Variants in PDZRN4 observed in about 807,000 individuals in gnomAD.
The protein encoded by PDZRN4 is PDZ domain-containing RING finger protein 4.
Under a neutral mutation model 99.0 loss-of-function variants are expected in PDZRN4, and 70 were observed. The ratio of observed to expected loss-of-function variants is 0.71; its 90% confidence interval spans 0.58 to 0.86. PDZRN4 has a LOEUF of 0.86. Among genes scored for constraint, PDZRN4 ranks in the 40% least tolerant of loss-of-function variants. The pLI is 0.00. For synonymous variants in PDZRN4, 551 were observed against 501.6 expected (o/e 1.10, Z -1.32); for missense variants, 1,474 against 1,331.2 (o/e 1.11, Z -1.67).
chr12:41,205,971 T>C (rs1950847475), intron 3 of PDZRN4, among the ~76,000 whole-genome samples: 1 of 151,974 alleles, frequency 6.6e-6, no homozygotes. Context: ...GTTCAACTTC[T>C]TTTATTTAAC....
intron 3 of PDZRN4, among the ~76,000 whole-genome samples, chr12:41,465,982 A>C (rs1952921141): frequency 6.6e-6 from 1 of 152,208 alleles, no homozygotes; most frequent in African/African-American, 2.4e-5. Flanking sequence ...GTCTGATAAA[A>C]TCCTTAATTA....
chr12:41,487,728 C>A (rs1314138267), intron 3 of PDZRN4, among the ~76,000 whole-genome samples: 1 of 152,154 alleles, frequency 6.6e-6, no homozygotes, highest in East Asian at 1.9e-4. Context: ...GTAGTGGAAG[C>A]AACTGGTATA....
intron 3 of PDZRN4, among the ~76,000 whole-genome samples, chr12:41,256,016 G>A (rs1319553440): frequency 6.6e-6 from 1 of 152,028 alleles, no homozygotes; most frequent in Non-Finnish European, 1.5e-5. Flanking sequence ...ATTTGGAGGG[G>A]ACACACATTA....
At chr12:41,254,365 A>G (rs1455225094) in intron 3 of PDZRN4, among the ~76,000 whole-genome samples, 1 of 152,168 alleles carries the variant, frequency 6.6e-6, no homozygotes, top group African/African-American at 2.4e-5. Context: ...GAAGTAAGAT[A>G]CTCAAAGTCA....
Position 41,573,047 on chromosome 12 carries a change from T to G in PDZRN4, c.2268T>G (p.Pro756=), listed in dbSNP as rs990486852. The change falls in exon 10 of 10, where the codon CCT becomes CCG. Residue 756 remains proline (P), a synonymous_variant. Transcript: ENST00000402685. ...RSTPLTVDRS[P]DSSLPRVINL... ...CTCCGCTCACTGTAGACCGTTCCCC[T>G]GACAGTTCCCTTCCAAGGGTGATCA... is the stretch of plus-strand genomic sequence containing the variant. 1 of 1,614,126 alleles carries G rather than the reference T, an allele frequency of 6.2e-7. No homozygotes were observed. The highest frequency in any genetic ancestry group is 1.3e-5 in the African/African-American group (1 of 75,042).
intron 3 of PDZRN4, among the ~76,000 whole-genome samples, chr12:41,395,969 T>A (rs971037539): frequency 6.6e-6 from 1 of 152,166 alleles, no homozygotes; most frequent in East Asian, 1.9e-4. Context: ...TTTTTCATCA[T>A]GTACCCCACA....
At chr12:41,397,844 T>C (rs1412408708) in intron 3 of PDZRN4, among the ~76,000 whole-genome samples, 1 of 152,118 alleles carries the variant, frequency 6.6e-6, no homozygotes, top group Non-Finnish European at 1.5e-5. Context: ...CTCTATTACA[T>C]GACTATATGT....
intron 3 of PDZRN4, among the ~76,000 whole-genome samples, chr12:41,383,998 TTTTTTTTTTTTTTTTTTTTTTTG>T (rs1952146362): frequency 4.6e-5 from 1 of 21,542 alleles, no homozygotes; most frequent in Non-Finnish European, 9.1e-5. Context: ...TTTTTTTTTT[TTTTTTTTTTTTTTTTTTTTTTTG>T]AGACGGAATC....
chr12:41,243,702 GT>G (rs1404631373), intron 3 of PDZRN4, among the ~76,000 whole-genome samples: 3 of 152,058 alleles, frequency 2.0e-5, no homozygotes, highest in Non-Finnish European at 4.4e-5. Flanking sequence ...TTCTTACTAT[GT>G]GTTACAGATT....
chr12:41,544,018 T>A (rs1592105152), intron 5 of PDZRN4, among the ~76,000 whole-genome samples: 1 of 152,230 alleles, frequency 6.6e-6, no homozygotes, highest in East Asian at 1.9e-4. Flanking sequence ...AAATGCTAGA[T>A]GGACCAGAAA....
At chr12:41,433,595 G>C (rs2730811) in intron 3 of PDZRN4, among the ~76,000 whole-genome samples, 77,405 of 152,018 alleles carry the variant, frequency 0.51, 20,196 homozygotes, top group African/African-American at 0.64. Context: ...ATAGTGGCAA[G>C]GGTAAAGAGA....
chr12:41,244,052 C>A (rs1951117745), intron 3 of PDZRN4, among the ~76,000 whole-genome samples: 1 of 151,760 alleles, frequency 6.6e-6, no homozygotes. Flanking sequence ...ACCTTTATCC[C>A]AAACTCCATC....
rs199780205 is a variant in PDZRN4, at chr12:41,573,018, A to G, written c.2239A>G (p.Ser747Gly). Residue 747 changes from serine (S) to glycine (G), a missense_variant, in exon 10 of 10, where the codon AGT (serine) becomes GGT (glycine). Transcript: ENST00000402685. ...SAYNTAESCR[S>G]TPLTVDRSPD... ...TTACAACACAGCTGAGAGCTGCAGA[A>G]GTACTCCGCTCACTGTAGACCGTTC... 3 of 1,614,184 alleles carry G rather than the reference A, an allele frequency of 1.9e-6. No homozygotes were observed. In the East Asian group the frequency reaches 6.7e-5, roughly 36 times the overall value.
intron 3 of PDZRN4, among the ~76,000 whole-genome samples, chr12:41,418,796 G>T (rs1952466644): frequency 6.6e-6 from 1 of 152,182 alleles, no homozygotes; most frequent in South Asian, 2.1e-4. Context: ...AGGGAAAAGG[G>T]TTTGGCTGGA....
At chr12:41,410,063 C>T (rs1004967705) in intron 3 of PDZRN4, 15 of 152,172 alleles carry the variant, frequency 9.9e-5, no homozygotes, top group African/African-American at 3.6e-4. Context: ...GAGGTTAGGA[C>T]TTCAACATAT....
intron 3 of PDZRN4, among the ~76,000 whole-genome samples, chr12:41,451,156 G>T (rs2251684): frequency 0.54 from 76,561 of 141,560 alleles, 19,918 homozygotes; most frequent in African/African-American, 0.66. Flanking sequence ...CTATTTCCTT[G>T]GATGTGCAAT....
chr12:41,517,511 A>C (rs1357889832), intron 5 of PDZRN4, among the ~76,000 whole-genome samples: 1 of 152,074 alleles, frequency 6.6e-6, no homozygotes, highest in African/African-American at 2.4e-5. Context: ...TTACAATATA[A>C]AGCAAAATTC....
chr12:41,214,446 A>G (rs1043700769), intron 3 of PDZRN4, among the ~76,000 whole-genome samples: 1 of 146,376 alleles, frequency 6.8e-6, no homozygotes, highest in African/African-American at 2.5e-5. Flanking sequence ...AAAAAAAAAA[A>G]AAAAGTTATC....
intron 3 of PDZRN4, among the ~76,000 whole-genome samples, chr12:41,264,752 T>C (rs1951265132): frequency 6.6e-6 from 1 of 152,248 alleles, no homozygotes; most frequent in Non-Finnish European, 1.5e-5. Flanking sequence ...AATTTCCTTC[T>C]ACAATTGTAT....
Sources: gnomAD v4.1 joint callset for allele counts (sites outside exome capture counted in the v4.1 genomes callset) on GRCh38, gnomAD v4.1.1 for gene constraint, MANE v1.5 for transcripts, NCBI Gene and HGNC (gene_info 2026-07-23, HGNC 2026-07-21) for gene names.